POLE2: variants seen among roughly 807,000 people sequenced by gnomAD.
The protein encoded by POLE2 is DNA polymerase epsilon subunit 2.
POLE2 carries 56 observed loss-of-function variants against 79.4 expected under a neutral mutation model. That is an observed-to-expected ratio of 0.71 (90% CI 0.57 to 0.88). The LOEUF (loss-of-function observed/expected upper bound fraction) is 0.88. POLE2 is among the 40% of genes least tolerant of loss of function. The pLI, the probability that POLE2 is intolerant of heterozygous loss-of-function variation, is 0.00. For synonymous variants in POLE2, 212 were observed against 214.0 expected (o/e 0.99, Z 0.08); for missense variants, 598 against 638.9 (o/e 0.94, Z 0.69).
At chr14:49,665,601 C>G (rs1189352588) in intron 7 of POLE2, among the ~76,000 whole-genome samples, 2 of 151,978 alleles carry the variant, frequency 1.3e-5, no homozygotes, top group Admixed American at 1.3e-4. Flanking sequence ...ACACTCTGTC[C>G]TGATGTCTTC....
chr14:49,655,818 A>C lies in POLE2; in HGVS notation c.781T>G (p.Phe261Val). ...TRAYYGNINFFGGPSNTSVKT... is the reference protein window; with the variant it reads ...TRAYYGNINFVGGPSNTSVKT... ...ACAGATGTATTAGAAGGACCTCCAA[A>C]AAAATTAATATTTCCATAGTATGCC... The change falls in exon 11 of 19, where the codon TTT becomes GTT. Residue 261 changes from phenylalanine (F) to valine (V), a missense_variant. Phe to Val is a conservative substitution (Grantham distance 50). Coordinates refer to ENST00000216367, the MANE Select transcript of POLE2 (RefSeq NM_002692.4). The C allele has an allele frequency of 6.4e-7, 1 of 1,552,260 alleles. No individual in the cohort carries two copies. The highest frequency in any genetic ancestry group is 1.1e-5 in the South Asian group (1 of 87,232).
At chr14:49,647,071 C>T (rs1336796477) in intron 18 of POLE2, 3 of 356,626 alleles carry the variant, frequency 8.4e-6, no homozygotes, top group Admixed American at 9.7e-5. Context: ...CCTGAGATTT[C>T]CCCCAGAAAA....
intron 3 of POLE2, among the ~76,000 whole-genome samples, chr14:49,675,057 C>T (rs1886167773): frequency 6.6e-6 from 1 of 151,966 alleles, no homozygotes; most frequent in African/African-American, 2.4e-5. Context: ...AGAAATCTCT[C>T]CCTATATGTA....
chr14:49,654,194 G>A lies in POLE2; in HGVS notation c.1094C>T (p.Pro365Leu). Reference protein sequence around the residue: ...IHQSSRFVFVPGPEDPGFGSI... With the variant: ...IHQSSRFVFVLGPEDPGFGSI... ...ACCAAATCCAGGATCCTCTGGACCA[G>A]GTACAAACACAAAACGACTACTGTA... Residue 365 changes from proline to leucine, a missense_variant, in exon 14 of 19, where the codon CCT (proline) becomes CTT (leucine). Coordinates refer to ENST00000216367, the MANE Select transcript of POLE2 (RefSeq NM_002692.4). 1 of 1,610,376 alleles carries A rather than the reference G, an allele frequency of 6.2e-7. No homozygotes were observed. Among genetic ancestry groups the A allele is most frequent in the Non-Finnish European group, 8.5e-7 (1 of 1,177,724 alleles).
At chr14:49,657,456 G>A (rs905230813) in intron 10 of POLE2, among the ~76,000 whole-genome samples, 2 of 147,246 alleles carry the variant, frequency 1.4e-5, no homozygotes, top group African/African-American at 2.5e-5. Flanking sequence ...TTTTTTTGAC[G>A]GAGTCTCATG....
At chr14:49,651,758 G>A (rs1185170825) in intron 15 of POLE2, among the ~76,000 whole-genome samples, 3 of 152,142 alleles carry the variant, frequency 2.0e-5, no homozygotes, top group African/African-American at 2.4e-5. Flanking sequence ...CCTAGAAGGC[G>A]GGCATATTAA....
At chr14:49,669,907 A>T (rs1885752825) in intron 5 of POLE2, among the ~76,000 whole-genome samples, 1 of 152,202 alleles carries the variant, frequency 6.6e-6, no homozygotes, top group African/African-American at 2.4e-5. Flanking sequence ...GAGAAGTGCC[A>T]CCACACAACA....
intron 11 of POLE2, 85 bp downstream of exon 11, chr14:49,655,586 C>A: frequency 3.4e-6 from 3 of 894,836 alleles, no homozygotes; most frequent in South Asian, 1.6e-5. Context: ...ATAGAATACT[C>A]AAAAAGATAA....
intron 2 of POLE2, among the ~76,000 whole-genome samples, chr14:49,680,701 A>C (rs929590380): frequency 6.6e-6 from 1 of 152,216 alleles, no homozygotes; most frequent in African/African-American, 2.4e-5. Flanking sequence ...ATATGTTGTC[A>C]AGCAAAATAC....
rs1173763312 is a variant in POLE2, at chr14:49,688,119, T to A, written c.68+17A>T. ...AGCTCTTCCCTCTCGCCCTTCAAGC[T>A]GCCCGAGCCCACTCACCCACGGAGC... is the stretch of plus-strand genomic sequence containing the variant. On this transcript the variant is annotated intron_variant, in intron 1 of 18. Transcript: ENST00000216367. 6.5e-7 allele frequency: 1 copy of A among 1,545,538 alleles called. No individual in the cohort carries two copies. Among genetic ancestry groups the A allele is most frequent in the Admixed American group, 1.9e-5 (1 of 52,444 alleles).
chr14:49,654,637 G>A, intron 13 of POLE2, 147 bp downstream of exon 13: 1 of 924,696 alleles, frequency 1.1e-6, no homozygotes, highest in Non-Finnish European at 1.5e-6. Context: ...TACAATGTGA[G>A]GATAACTTTA....
At chr14:49,679,339 C>G (rs1594614090) in intron 3 of POLE2, 1 of 162,090 alleles carries the variant, frequency 6.2e-6, no homozygotes, top group Non-Finnish European at 1.3e-5. Context: ...TGCCATTCAC[C>G]ATGTGACCAA....
At chr14:49,665,066 C>T (rs767737272) in intron 8 of POLE2, 41 bp downstream of exon 8, 9 of 907,408 alleles carry the variant, frequency 9.9e-6, no homozygotes, top group East Asian at 2.4e-5. Context: ...CCCCAATTCA[C>T]GTAATGCAGA....
chr14:49,686,448 A>G (rs546729200), intron 1 of POLE2, among the ~76,000 whole-genome samples: 93 of 152,268 alleles, frequency 6.1e-4, no homozygotes, highest in African/African-American at 2.1e-3. Context: ...CAACTGAATG[A>G]GCTTGAAGCG....
intron 10 of POLE2, among the ~76,000 whole-genome samples, chr14:49,660,435 C>CT (rs1437814201): frequency 6.6e-6 from 1 of 151,780 alleles, no homozygotes; most frequent in African/African-American, 2.4e-5. Flanking sequence ...TTTTCCTTTC[C>CT]TTTTGTGTGC....
chr14:49,673,991 G>C, intron 5 of POLE2, 132 bp downstream of exon 5: 1 of 685,182 alleles, frequency 1.5e-6, no homozygotes, highest in East Asian at 2.5e-5. Context: ...CTTAATAACA[G>C]TTTATTGAAT....
rs1043166295 is a variant in POLE2, at chr14:49,647,305, G to A, written c.1553C>T (p.Thr518Ile). 7.8e-6 allele frequency: 12 copies of A among 1,545,578 alleles called. No homozygotes were observed. In the African/African-American group the frequency reaches 1.4e-4, roughly 18 times the overall value. The change falls in exon 18 of 19, where the codon ACA becomes ATA. Residue 518 changes from threonine (T) to isoleucine (I), a missense_variant. Transcript: ENST00000216367. ...SFKVFYPSNK[T>I]VEDSKLQGF ...TGCACACACTTACCTATCTTCTACT[G>A]TCTTATTAGAAGGATAAAAAACTTT...
At chr14:49,663,637 T>A (rs1391840880) in intron 9 of POLE2, among the ~76,000 whole-genome samples, 1 of 152,198 alleles carries the variant, frequency 6.6e-6, no homozygotes, top group Admixed American at 6.5e-5. Context: ...TGATACAGAT[T>A]AGGAAATGTT....
At chr14:49,670,685 T>A (rs1309470530) in intron 5 of POLE2, among the ~76,000 whole-genome samples, 1 of 152,238 alleles carries the variant, frequency 6.6e-6, no homozygotes, top group African/African-American at 2.4e-5. Flanking sequence ...AGGAACTCTC[T>A]TTCCAAGAGT....
Sources: gnomAD v4.1 joint callset for allele counts (sites outside exome capture counted in the v4.1 genomes callset) on GRCh38, gnomAD v4.1.1 for gene constraint, MANE v1.5 for transcripts, NCBI Gene and HGNC (gene_info 2026-07-23, HGNC 2026-07-21) for gene names.